DTNB: variants seen among roughly 807,000 people sequenced by gnomAD.
The protein encoded by DTNB is dystrobrevin beta.
Under a neutral mutation model 90.7 loss-of-function variants are expected in DTNB, and 63 were observed. The ratio of observed to expected loss-of-function variants is 0.69; its 90% CI spans 0.57 to 0.86. DTNB has a LOEUF of 0.86. DTNB is among the 40% of genes least tolerant of loss of function. The pLI, the probability that DTNB is intolerant of heterozygous loss-of-function variation, is 0.00. For synonymous variants in DTNB, 277 were observed against 286.7 expected (o/e 0.97, Z 0.34); for missense variants, 744 against 807.1 (o/e 0.92, Z 0.95).
In DTNB at chr2:25,531,583, CT is replaced by C; in HGVS notation, c.890del (p.Lys297ArgfsTer3). The C allele has an allele frequency of 6.2e-7, 1 of 1,613,648 alleles. No individual in the cohort carries two copies. Among genetic ancestry groups the C allele is most frequent in the East Asian group, 2.2e-5 (1 of 44,898 alleles). On this transcript the variant is annotated frameshift_variant, in exon 9 of 21. Transcript: ENST00000406818. LOFTEE classifies it high-confidence loss of function. ...ATTTACTAATTGCATGGCTCAGCTT[CT>C]TTGCAGGAGATTTCTGTGTCAAAGC... ...KEHSSWKSPAKKLSHAISKSL... is the reference protein window; with the variant it reads ...KEHSSWKSPAXKLSHAISKSL...
intron 10 of DTNB, 65 bp from the exon 11 acceptor site, chr2:25,455,559 T>C (rs2059899320): frequency 8.9e-6 from 12 of 1,341,044 alleles, no homozygotes; most frequent in Middle Eastern, 1.8e-4. Context: ...GAAATGAACA[T>C]GGATTAAAAT....
chr2:25,611,818 A>C (rs950284633), intron 4 of DTNB, among the ~76,000 whole-genome samples: 3 of 152,100 alleles, frequency 2.0e-5, no homozygotes, highest in Admixed American at 2.0e-4. Flanking sequence ...TAAATAGAAA[A>C]ATAATACACT....
intron 3 of DTNB, among the ~76,000 whole-genome samples, chr2:25,636,182 T>A (rs935416823): frequency 5.3e-5 from 8 of 152,196 alleles, no homozygotes; most frequent in African/African-American, 1.9e-4. Context: ...TATATTCATA[T>A]TCAATGAATA....
intron 8 of DTNB, among the ~76,000 whole-genome samples, chr2:25,566,805 G>A (rs2059113239): frequency 6.6e-6 from 1 of 152,226 alleles, no homozygotes; most frequent in East Asian, 1.9e-4. Flanking sequence ...GGGGGTGGAA[G>A]AAATGTGCAG....
chr2:25,511,731 C>T (rs997283896), intron 9 of DTNB, among the ~76,000 whole-genome samples: 2 of 152,158 alleles, frequency 1.3e-5, no homozygotes, highest in African/African-American at 4.8e-5. Context: ...CAGATAACAT[C>T]AGTAGCAGTT....
At chr2:25,622,853 T>C (rs894134190) in intron 4 of DTNB, among the ~76,000 whole-genome samples, 1 of 151,834 alleles carries the variant, frequency 6.6e-6, no homozygotes, top group Non-Finnish European at 1.5e-5. Context: ...AAAAAGACAA[T>C]ACGAAACAAG....
chr2:25,474,548 T>TA (rs2063407740), intron 10 of DTNB, among the ~76,000 whole-genome samples: 3 of 152,148 alleles, frequency 2.0e-5, no homozygotes, highest in African/African-American at 7.2e-5. Context: ...TCCTTGGTCT[T>TA]AAAAAAACAA....
In DTNB at chr2:25,403,265, G is replaced by A. The variant is rs535542316; in HGVS notation, c.1576-14904C>T. ...AGAATAGCTGGGATTACGGGCGCCC[G>A]CCACCACACCCCGCTAATTTTTGTA... On this transcript the variant is annotated intron_variant, in intron 16 of 20. Transcript: ENST00000406818. Among the ~76,000 whole-genome samples, 4 of 152,246 alleles carry A rather than the reference G, an allele frequency of 2.6e-5. No homozygotes were observed. In the South Asian group the frequency reaches 6.2e-4, roughly 24 times the overall value.
At chr2:25,485,623 C>T (rs918141904) in intron 9 of DTNB, among the ~76,000 whole-genome samples, 1 of 152,084 alleles carries the variant, frequency 6.6e-6, no homozygotes, top group Non-Finnish European at 1.5e-5. Context: ...TTCTGAACTC[C>T]TAACATGCTT....
intron 8 of DTNB, among the ~76,000 whole-genome samples, chr2:25,541,331 T>C (rs1320038389): frequency 6.6e-6 from 1 of 151,770 alleles, no homozygotes; most frequent in African/African-American, 2.4e-5. Flanking sequence ...ATACAAAAAA[T>C]TAGCTGGGCG....
At chr2:25,542,050 T>C (rs951401375) in intron 8 of DTNB, among the ~76,000 whole-genome samples, 1 of 152,232 alleles carries the variant, frequency 6.6e-6, no homozygotes, top group Non-Finnish European at 1.5e-5. Context: ...AGGGAGTTTC[T>C]CCTACCCATG....
At chr2:25,542,319 T>C (rs1327959864) in intron 8 of DTNB, among the ~76,000 whole-genome samples, 1 of 152,202 alleles carries the variant, frequency 6.6e-6, no homozygotes, top group African/African-American at 2.4e-5. Context: ...AATCCATCAA[T>C]CTATGAATGT....
intron 14 of DTNB, among the ~76,000 whole-genome samples, chr2:25,429,987 A>G (rs2053323722): frequency 6.6e-6 from 1 of 152,138 alleles, no homozygotes. Flanking sequence ...GTTTTGTCCT[A>G]CACTCCATCC....
chr2:25,475,999 G>C (rs564543895), intron 10 of DTNB, among the ~76,000 whole-genome samples: 24 of 152,070 alleles, frequency 1.6e-4, no homozygotes, highest in African/African-American at 4.8e-4. Flanking sequence ...GATGTACAAG[G>C]AGATGAATGT....
intron 16 of DTNB, among the ~76,000 whole-genome samples, chr2:25,412,079 T>C (rs924429893): frequency 2.6e-5 from 4 of 152,218 alleles, no homozygotes; most frequent in Non-Finnish European, 4.4e-5. Context: ...TTTTTCTTGT[T>C]GCATAGGTTT....
At chr2:25,671,142 C>A (rs2149085261) in intron 1 of DTNB, among the ~76,000 whole-genome samples, 1 of 152,176 alleles carries the variant, frequency 6.6e-6, no homozygotes, top group East Asian at 1.9e-4. Flanking sequence ...TCTCTCATGG[C>A]AACTAATTTA....
Position 25,589,583 on chromosome 2 carries a change from G to A in DTNB, c.603+6503C>T, listed in dbSNP as rs563243211. Among the ~76,000 whole-genome samples, 305 of 151,876 alleles carry A rather than the reference G, an allele frequency of 2.0e-3. 6 individuals are homozygous for A. The highest frequency in any genetic ancestry group is 1.1e-3 in the Non-Finnish European group (77 of 67,936). ...TTTAGTAGAGACGAGGTTTCACCAC[G>A]TCGGCCAGGCTGTCTTGAACTCCTG... is the stretch of plus-strand genomic sequence containing the variant. On this transcript the variant is annotated intron_variant, in intron 6 of 20. Coordinates refer to ENST00000406818, the MANE Select transcript of DTNB (RefSeq NM_021907.5).
intron 8 of DTNB, among the ~76,000 whole-genome samples, chr2:25,548,705 T>C (rs1457834033): frequency 6.6e-6 from 1 of 152,138 alleles, no homozygotes; most frequent in African/African-American, 2.4e-5. Context: ...TCTATGCCAC[T>C]GTAAGGACTG....
chr2:25,606,637 T>C (rs999111456), intron 5 of DTNB, among the ~76,000 whole-genome samples: 1 of 152,160 alleles, frequency 6.6e-6, no homozygotes, highest in African/African-American at 2.4e-5. Context: ...CAAAATTAAA[T>C]AGTTGTGAAT....
Sources: gnomAD v4.1 joint callset for allele counts (sites outside exome capture counted in the v4.1 genomes callset) on GRCh38, gnomAD v4.1.1 for gene constraint, MANE v1.5 for transcripts, NCBI Gene and HGNC (gene_info 2026-07-23, HGNC 2026-07-21) for gene names.